Variants in GALNT17 observed in about 807,000 individuals in gnomAD.
GALNT17 encodes the protein polypeptide N-acetylgalactosaminyltransferase 17.
In GALNT17, 29 loss-of-function variants were observed where a neutral mutation model predicts 63.7. The ratio of observed to expected loss-of-function variants is 0.46; its 90% CI spans 0.34 to 0.62. The LOEUF (loss-of-function observed/expected upper bound fraction) is 0.62, where lower values mean the gene tolerates loss of function less well. Ranked by LOEUF, GALNT17 falls within the 20% of genes least tolerant of loss-of-function variation. The pLI, the probability that GALNT17 is intolerant of heterozygous loss-of-function variation, is 0.01. For synonymous variants in GALNT17, 305 were observed against 318.3 expected (o/e 0.96, Z 0.45); for missense variants, 603 against 799.6 (o/e 0.75, Z 2.97).
chr7:71,350,430 A>T (rs1013688942), intron 2 of GALNT17, among the ~76,000 whole-genome samples: 1 of 152,202 alleles, frequency 6.6e-6, no homozygotes, highest in African/African-American at 2.4e-5. Flanking sequence ...AGGTGCTAAC[A>T]TACATCTGAC....
chr7:71,612,857 G>C (rs1251747245), intron 6 of GALNT17, among the ~76,000 whole-genome samples: 1 of 152,146 alleles, frequency 6.6e-6, no homozygotes, highest in African/African-American at 2.4e-5. Context: ...GAACCATTCG[G>C]TTTTCGGTTT....
chr7:71,362,984 TGA>T (rs1047840182), intron 2 of GALNT17, among the ~76,000 whole-genome samples: 2 of 152,008 alleles, frequency 1.3e-5, no homozygotes, highest in African/African-American at 4.8e-5. Context: ...TTTTTTTTTT[TGA>T]GGCAGAGTCT....
intron 6 of GALNT17, among the ~76,000 whole-genome samples, chr7:71,615,468 CTTTTTTTT>C (rs59981146): frequency 3.3e-5 from 2 of 60,246 alleles, no homozygotes; most frequent in East Asian, 5.6e-4. Context: ...GAGCAAAGCA[CTTTTTTTT>C]TTTTTTTTTT....
intron 1 of GALNT17, among the ~76,000 whole-genome samples, chr7:71,242,879 A>G (rs1158817098): frequency 6.6e-6 from 1 of 152,220 alleles, no homozygotes; most frequent in South Asian, 2.1e-4. Context: ...TATAGAAGAC[A>G]CTCAATGTTC....
chr7:71,523,134 A>T (rs1788557362), intron 5 of GALNT17, among the ~76,000 whole-genome samples: 1 of 152,224 alleles, frequency 6.6e-6, no homozygotes, highest in African/African-American at 2.4e-5. Flanking sequence ...ATTAAATTTT[A>T]CATTTTAGGA....
At chr7:71,675,943 G>A (rs1055186476) in intron 8 of GALNT17, among the ~76,000 whole-genome samples, 4 of 152,156 alleles carry the variant, frequency 2.6e-5, no homozygotes, top group East Asian at 1.9e-4. Context: ...AGTCGAGATC[G>A]CGCCATTGCA....
At chr7:71,265,992 G>A (rs1790485567) in intron 1 of GALNT17, among the ~76,000 whole-genome samples, 1 of 152,166 alleles carries the variant, frequency 6.6e-6, no homozygotes, top group South Asian at 2.1e-4. Flanking sequence ...CTCCAAGGGT[G>A]AATGTAATTC....
At chr7:71,686,511 G>A (rs535605140) in intron 9 of GALNT17, among the ~76,000 whole-genome samples, 11 of 151,718 alleles carry the variant, frequency 7.3e-5, no homozygotes, top group Non-Finnish European at 1.3e-4. Flanking sequence ...CTCCTGAGTA[G>A]CTGGGATTAC....
intron 5 of GALNT17, among the ~76,000 whole-genome samples, chr7:71,422,718 G>T (rs747204879): frequency 6.6e-6 from 1 of 152,346 alleles, no homozygotes; most frequent in African/African-American, 2.4e-5. Flanking sequence ...TTTGCCATCT[G>T]CAGGGAGCTT....
intron 1 of GALNT17, among the ~76,000 whole-genome samples, chr7:71,300,130 C>G (rs1202498363): frequency 6.6e-6 from 1 of 152,196 alleles, no homozygotes; most frequent in African/African-American, 2.4e-5. Context: ...CCTGCCTCTC[C>G]TTCATGCCTG....
intron 6 of GALNT17, among the ~76,000 whole-genome samples, chr7:71,595,737 A>G (rs1789876223): frequency 6.6e-6 from 1 of 152,088 alleles, no homozygotes; most frequent in South Asian, 2.1e-4. Flanking sequence ...CCAGAAGGTC[A>G]GGCAGCAACA....
At chr7:71,677,785 G>C (rs1791176007) in intron 9 of GALNT17, among the ~76,000 whole-genome samples, 2 of 152,110 alleles carry the variant, frequency 1.3e-5, no homozygotes, top group East Asian at 1.9e-4. Context: ...AAAGTGCTGG[G>C]ATTACAGGCG....
intron 6 of GALNT17, among the ~76,000 whole-genome samples, chr7:71,599,051 A>G (rs1789928526): frequency 6.6e-6 from 1 of 152,144 alleles, no homozygotes; most frequent in Admixed American, 6.5e-5. Flanking sequence ...GACCTGGGGA[A>G]GGCCTGTAGC....
chr7:71,593,947 G>A (rs1233844550), intron 6 of GALNT17, among the ~76,000 whole-genome samples: 5 of 152,036 alleles, frequency 3.3e-5, no homozygotes, highest in Admixed American at 2.6e-4. Flanking sequence ...GAACAACCAC[G>A]CAGGGAAATT....
At chr7:71,363,934 T>G (rs2116242197) in intron 2 of GALNT17, among the ~76,000 whole-genome samples, 1 of 152,318 alleles carries the variant, frequency 6.6e-6, no homozygotes, top group East Asian at 1.9e-4. Flanking sequence ...TCCAGTAAGG[T>G]TACAGTCCAC....
At chr7:71,368,000 A>G (rs1465330236) in intron 2 of GALNT17, among the ~76,000 whole-genome samples, 1 of 152,152 alleles carries the variant, frequency 6.6e-6, no homozygotes, top group Non-Finnish European at 1.5e-5. Flanking sequence ...CTGACTGCCC[A>G]CGGAAGATGT....
intron 3 of GALNT17, among the ~76,000 whole-genome samples, chr7:71,389,424 C>T (rs891521748): frequency 6.6e-6 from 1 of 152,006 alleles, no homozygotes; most frequent in Non-Finnish European, 1.5e-5. Context: ...CATGAGCCAC[C>T]GTGCCTGGCT....
chr7:71,238,676 G>A (rs973956124), intron 1 of GALNT17, among the ~76,000 whole-genome samples: 3 of 152,160 alleles, frequency 2.0e-5, no homozygotes, highest in African/African-American at 7.2e-5. Context: ...CTCTGTGTGC[G>A]GTTAAACACC....
chr7:71,157,284 G>C (rs772774640), intron 1 of GALNT17, among the ~76,000 whole-genome samples: 1 of 151,928 alleles, frequency 6.6e-6, no homozygotes, highest in Non-Finnish European at 1.5e-5. Flanking sequence ...CTGTTGTGAC[G>C]ATTAAATTAG....
Sources: allele counts gnomAD v4.1 joint callset (sites outside exome capture counted in the v4.1 genomes callset), GRCh38; gene constraint gnomAD v4.1.1; transcripts MANE v1.5; gene names NCBI Gene and HGNC (gene_info 2026-07-23, HGNC 2026-07-21).